RGPD2: variants seen among roughly 807,000 people sequenced by gnomAD.
RGPD2 encodes RANBP2 like and GRIP domain containing 2, also known as RANBP2-like and GRIP domain-containing protein 2.
In RGPD2, 2 loss-of-function variants were observed where a neutral mutation model predicts 36.0. The ratio of observed to expected loss-of-function variants is 0.06; its 90% CI spans 0.02 to 0.17. RGPD2 has a LOEUF of 0.17. Among genes scored for constraint, RGPD2 ranks in the 10% least tolerant of loss-of-function variants. The pLI is 1.00. For synonymous variants in RGPD2, 19 were observed against 163.8 expected, an observed-to-expected ratio of 0.12 and a Z score of 6.75; for missense variants, 40 against 464.3, an observed-to-expected ratio of 0.09 and a Z score of 8.40.
At chr2:87,985,986 T>C in the RGPD2 span, 1 of 1,126,050 alleles carries the variant, frequency 8.9e-7, no homozygotes, top group Non-Finnish European at 1.3e-6. Context: ...AATAACCAAG[T>C]TTTTTTAACT....
At chr2:87,986,204 T>C in the RGPD2 span, among the ~76,000 whole-genome samples, 2 of 150,180 alleles carry the variant, frequency 1.3e-5, no homozygotes, top group African/African-American at 4.9e-5. Flanking sequence ...GGTGCGGTCT[T>C]GGCACACTGC....
chr2:87,978,702 A>T, the RGPD2 span, among the ~76,000 whole-genome samples: 1 of 95,468 alleles, frequency 1.0e-5, no homozygotes, highest in Admixed American at 1.1e-4. Flanking sequence ...GCTTGAGCCC[A>T]GGAGTTTGAG....
At chr2:87,974,915 A>G in the RGPD2 span, among the ~76,000 whole-genome samples, 3 of 151,988 alleles carry the variant, frequency 2.0e-5, no homozygotes, top group Non-Finnish European at 4.4e-5. Flanking sequence ...CTACTCATTT[A>G]CCATATACCA....
chr2:87,988,040 G>T, the RGPD2 span, among the ~76,000 whole-genome samples: 1 of 152,216 alleles, frequency 6.6e-6, no homozygotes, highest in East Asian at 1.9e-4. Flanking sequence ...CCATTTACCA[G>T]CAGTGAAGAT....
chr2:87,983,378 G>C, the RGPD2 span, among the ~76,000 whole-genome samples: 2 of 138,946 alleles, frequency 1.4e-5, no homozygotes, highest in African/African-American at 5.3e-5. Context: ...TTTTTCTCAA[G>C]GAAATTGCAG....
chr2:87,888,686 CAT>C, the RGPD2 span, among the ~76,000 whole-genome samples: 3 of 17,586 alleles, frequency 1.7e-4, no homozygotes, highest in Admixed American at 6.0e-4. Flanking sequence ...TGAAATTTGA[CAT>C]ATGATAGATC....
chr2:87,877,673 C>T, the RGPD2 span, among the ~76,000 whole-genome samples: 12 of 152,330 alleles, frequency 7.9e-5, no homozygotes, highest in South Asian at 2.1e-4. Flanking sequence ...GGCGTGGTGG[C>T]GGGCACCTGT....
chr2:87,825,560 CGAG>C (rs1686750218), intron 1 of RGPD2, 95 bp downstream of exon 1: 3 of 998,994 alleles, frequency 3.0e-6, no homozygotes. Flanking sequence ...CCGGCCAGGT[CGAG>C]GCCGCCGCCC....
the RGPD2 span, among the ~76,000 whole-genome samples, chr2:87,980,192 A>C: frequency 1.3e-5 from 2 of 150,966 alleles, no homozygotes; most frequent in African/African-American, 4.8e-5. Context: ...CTCTACCAAA[A>C]CTACAAAAAT....
chr2:87,857,665 GC>G, the RGPD2 span, among the ~76,000 whole-genome samples: 1 of 151,564 alleles, frequency 6.6e-6, no homozygotes, highest in Non-Finnish European at 1.5e-5. Context: ...GAGGCTAGGC[GC>G]GGTGTCTCAC....
the RGPD2 span, among the ~76,000 whole-genome samples, chr2:87,977,537 G>T: frequency 1.3e-5 from 2 of 150,934 alleles, no homozygotes; most frequent in Admixed American, 1.3e-4. Flanking sequence ...TACAAGGCCA[G>T]GCGTGGTGGC....
the RGPD2 span, among the ~76,000 whole-genome samples, chr2:87,911,380 T>TA: frequency 6.7e-6 from 1 of 148,402 alleles, no homozygotes; most frequent in Non-Finnish European, 1.5e-5. Flanking sequence ...AGAGTTGACT[T>TA]AAACTGCGGT....
the RGPD2 span, among the ~76,000 whole-genome samples, chr2:87,921,057 T>C: frequency 6.7e-6 from 1 of 150,374 alleles, no homozygotes; most frequent in Non-Finnish European, 1.5e-5. Flanking sequence ...AGAAAGCCAC[T>C]CCCTAATGGG....
At chr2:87,915,603 T>TGTGTATATATATACACATATATATGTGC in the RGPD2 span, among the ~76,000 whole-genome samples, 2 of 145,996 alleles carry the variant, frequency 1.4e-5, no homozygotes, top group East Asian at 2.0e-4. Flanking sequence ...TATATATGTG[T>TGTGTATATATATACACATATATATGTGC]GTGTATATAT....
At chr2:87,986,005 G>C in the RGPD2 span, 1 of 843,934 alleles carries the variant, frequency 1.2e-6, no homozygotes, top group Non-Finnish European at 1.8e-6. Flanking sequence ...CTTCTACTAT[G>C]TAAAGGCCAA....
At chr2:87,825,599 CA>C (rs1686758830) in intron 1 of RGPD2, 58 bp downstream of exon 1, 2 of 1,323,112 alleles carry the variant, frequency 1.5e-6, no homozygotes, top group Admixed American at 2.7e-5. Context: ...GCCGCCCGGC[CA>C]GGTCGAGGCC....
the RGPD2 span, among the ~76,000 whole-genome samples, chr2:87,853,422 C>T: frequency 5.9e-5 from 9 of 152,022 alleles, no homozygotes; most frequent in African/African-American, 1.2e-4. Context: ...CAGGATCTTG[C>T]GATGTTGTCC....
chr2:87,827,013 T>G, upstream of RGPD2, among the ~76,000 whole-genome samples: 1 of 145,840 alleles, frequency 6.9e-6, no homozygotes, highest in African/African-American at 2.5e-5. Context: ...AAGTAGAATC[T>G]AATCTAATAT....
At chr2:87,945,310 T>TTTC in the RGPD2 span, among the ~76,000 whole-genome samples, 1 of 151,524 alleles carries the variant, frequency 6.6e-6, no homozygotes, top group Non-Finnish European at 1.5e-5. Context: ...TTCAAAATTA[T>TTTC]AATGCCATGC....
Sources: gnomAD v4.1 joint callset for allele counts (sites outside exome capture counted in the v4.1 genomes callset) on GRCh38, gnomAD v4.1.1 for gene constraint, MANE v1.5 for transcripts, NCBI Gene and HGNC (gene_info 2026-07-23, HGNC 2026-07-21) for gene names.